Variants in DHX40 observed in about 807,000 individuals in gnomAD.
DHX40 encodes the protein DEAH-box helicase 40.
DHX40 carries 28 observed loss-of-function variants against 89.6 expected under a neutral mutation model. The ratio of observed to expected loss-of-function variants is 0.31; its 90% confidence interval spans 0.23 to 0.43. The LOEUF (loss-of-function observed/expected upper bound fraction) is 0.43, where lower values mean the gene tolerates loss of function less well. Ranked by LOEUF, DHX40 falls within the 20% of genes least tolerant of loss-of-function variation. The pLI is 1.00. For synonymous variants in DHX40, 226 were observed against 283.6 expected (o/e 0.80, Z 2.04); for missense variants, 457 against 844.0 (o/e 0.54, Z 5.68).
At chr17:59,570,744 C>T (rs745397578) in intron 3 of DHX40, 81 bp downstream of exon 3, 201 of 1,416,828 alleles carry the variant, frequency 1.4e-4, no homozygotes, top group Non-Finnish European at 1.7e-4. Context: ...GAGTGCGTGG[C>T]GCAATCATGG....
intron 12 of DHX40, among the ~76,000 whole-genome samples, chr17:59,598,019 A>C (rs1274239023): frequency 2.0e-5 from 3 of 148,964 alleles, no homozygotes; most frequent in African/African-American, 7.4e-5. Flanking sequence ...GGCATGCATC[A>C]CCATGCCTGG....
chr17:59,603,116 T>C (rs919597549), intron 15 of DHX40, among the ~76,000 whole-genome samples: 18 of 152,120 alleles, frequency 1.2e-4, no homozygotes, highest in Admixed American at 5.2e-4. Context: ...AACACATAAC[T>C]CTGTGAGTGA....
intron 2 of DHX40, among the ~76,000 whole-genome samples, chr17:59,567,139 C>T (rs2048717334): frequency 6.6e-6 from 1 of 152,162 alleles, no homozygotes; most frequent in Admixed American, 6.5e-5. Context: ...TCTGTTGCTG[C>T]CATTAGTACT....
intron 14 of DHX40, among the ~76,000 whole-genome samples, 192 bp from the exon 15 acceptor site, chr17:59,602,330 T>A (rs577940342): frequency 6.6e-6 from 1 of 152,358 alleles, no homozygotes; most frequent in African/African-American, 2.4e-5. Flanking sequence ...TGCCTGATAT[T>A]ACAGTGTTTT....
intron 16 of DHX40, 25 bp from the exon 17 acceptor site, chr17:59,605,421 T>C (rs772389163): frequency 5.0e-6 from 8 of 1,597,280 alleles, no homozygotes; most frequent in Non-Finnish European, 1.7e-6. Context: ...TGAGTTACCA[T>C]CATTAAAAGA....
At position 59,566,806 on chromosome 17, in the gene DHX40, CT is replaced by C. The variant is rs779023938; in HGVS notation, c.280+13del. 6.4e-7 allele frequency: 1 copy of C among 1,559,112 alleles called. No individual in the cohort carries two copies. Among genetic ancestry groups the C allele is most frequent in the Non-Finnish European group, 8.6e-7 (1 of 1,160,840 alleles). On this transcript the variant is annotated intron_variant, in intron 2 of 17. Transcript: ENST00000251241. ...TCTATATGAAGCAGGTGATTTTTTT[CT>C]GTTGTAATAATTGGAAATATTTTAA...
In DHX40 at chr17:59,577,037, T is replaced by G. The variant is rs766805840; in HGVS notation, c.974-229T>G. ...GGGGCGCGCCCCCACGCCCTGCTAA[T>G]TTTTTGTATTTTTCTTAGAGACAGG... On this transcript the variant is annotated intron_variant, in intron 7 of 17. Coordinates refer to ENST00000251241, the MANE Select transcript of DHX40 (RefSeq NM_024612.5). 23 of 514,030 alleles carry G rather than the reference T, an allele frequency of 4.5e-5. 1 individual carries two copies. The highest frequency in any genetic ancestry group is 3.7e-4 in the South Asian group (21 of 57,280). 31.8% of individuals were successfully genotyped at this position (514,030 alleles called of 1,614,324 possible). A position where few individuals can be genotyped will look rare whatever the true frequency, so the allele number is the denominator to read the frequency against.
chr17:59,573,911 A>C lies in DHX40; in HGVS notation c.718A>C (p.Lys240Gln). 6.2e-7 allele frequency: 1 copy of C among 1,604,276 alleles called. No individual in the cohort carries two copies. Among genetic ancestry groups the C allele is most frequent in the East Asian group, 2.2e-5 (1 of 44,566 alleles). ...TGGAAGGCTTTATCCAGTCAGAGAG[A>C]AATTCTGCAATTTGATTGGTCCACG... ...IPGRLYPVRE[K>Q]FCNLIGPRDR... is the part of the protein sequence containing the mutation. The change falls in exon 5 of 18, where the codon AAA becomes CAA. Residue 240 changes from lysine (K) to glutamine (Q), a missense_variant. This residue lies in a region of DHX40 where 116 missense variants were observed against 188.9 expected (regional missense o/e 0.61). Coordinates refer to ENST00000251241, the MANE Select transcript of DHX40 (RefSeq NM_024612.5).
chr17:59,602,711 T>A, intron 15 of DHX40, 95 bp downstream of exon 15: 1 of 1,088,498 alleles, frequency 9.2e-7, no homozygotes, highest in Non-Finnish European at 1.3e-6. Context: ...AGATTTGATT[T>A]AAGCTCTGTG....
intron 1 of DHX40, among the ~76,000 whole-genome samples, chr17:59,566,293 T>A (rs1018332595): frequency 6.6e-6 from 1 of 152,202 alleles, no homozygotes; most frequent in Non-Finnish European, 1.5e-5. Flanking sequence ...CAGTTTTTGG[T>A]CTATTGTTAA....
intron 12 of DHX40, among the ~76,000 whole-genome samples, chr17:59,588,715 A>C (rs1325323590): frequency 6.6e-6 from 1 of 152,076 alleles, no homozygotes; most frequent in Non-Finnish European, 1.5e-5. Context: ...ATTTTCTCCC[A>C]GTCTGTGGTT....
At chr17:59,603,135 A>C (rs1307260505) in intron 15 of DHX40, among the ~76,000 whole-genome samples, 7 of 152,170 alleles carry the variant, frequency 4.6e-5, no homozygotes, top group Non-Finnish European at 1.0e-4. Flanking sequence ...GATAATGGTG[A>C]AGGGAGTTAG....
chr17:59,605,406 G>T, intron 16 of DHX40, 40 bp from the exon 17 acceptor site: 2 of 1,575,694 alleles, frequency 1.3e-6, no homozygotes, highest in Non-Finnish European at 1.7e-6. Context: ...AATAGGGCAG[G>T]TTATTGAGTT....
At chr17:59,568,980 G>A (rs963427154) in intron 2 of DHX40, among the ~76,000 whole-genome samples, 4 of 152,066 alleles carry the variant, frequency 2.6e-5, no homozygotes, top group African/African-American at 9.7e-5. Flanking sequence ...AGGCTCCTGA[G>A]TAGCTGGGAT....
intron 12 of DHX40, among the ~76,000 whole-genome samples, chr17:59,597,788 A>G (rs2030185734): frequency 6.6e-6 from 1 of 150,970 alleles, no homozygotes; most frequent in Non-Finnish European, 1.5e-5. Flanking sequence ...ACAAAAAATT[A>G]GCCGGGCGCG....
chr17:59,606,072 GT>G (rs1174152333), intron 17 of DHX40, among the ~76,000 whole-genome samples: 1 of 151,518 alleles, frequency 6.6e-6, no homozygotes, highest in Admixed American at 6.6e-5. Context: ...TTGAGACGGA[GT>G]TTTGCTCTTA....
At chr17:59,594,042 GA>G (rs1035542819) in intron 12 of DHX40, among the ~76,000 whole-genome samples, 33 of 152,172 alleles carry the variant, frequency 2.2e-4, no homozygotes, top group African/African-American at 7.9e-4. Flanking sequence ...GGGAGTTGAT[GA>G]ATTTGTACTG....
chr17:59,568,134 G>A (rs1415469130), intron 2 of DHX40, among the ~76,000 whole-genome samples: 2 of 151,848 alleles, frequency 1.3e-5, no homozygotes, highest in African/African-American at 2.4e-5. Context: ...AGGCTGAGGC[G>A]GGAGAATCAC....
At chr17:59,587,831 T>G in intron 11 of DHX40, 65 bp from the exon 12 acceptor site, 1 of 1,536,542 alleles carries the variant, frequency 6.5e-7, no homozygotes, top group South Asian at 1.2e-5. Context: ...TTATTCTGAA[T>G]GATGAATGTT....
Sources: gnomAD v4.1 joint callset for allele counts (sites outside exome capture counted in the v4.1 genomes callset) on GRCh38, gnomAD v4.1.1 for gene constraint, gnomAD v4.1.1 regional missense constraint, MANE v1.5 for transcripts, NCBI Gene and HGNC (gene_info 2026-07-23, HGNC 2026-07-21) for gene names.